Variants in TMEFF2 observed in about 807,000 individuals in gnomAD.
TMEFF2 encodes the protein tomoregulin-2.
A neutral mutation model predicts 53.8 loss-of-function variants in TMEFF2; 28 were observed. The observed-to-expected ratio is 0.52, with a 90% confidence interval of 0.39 to 0.71. TMEFF2 has a LOEUF of 0.71. Among genes scored for constraint, TMEFF2 ranks in the 30% least tolerant of loss-of-function variants. TMEFF2 has a pLI of 0.00. For synonymous variants in TMEFF2, 162 were observed against 166.3 expected (o/e 0.97, Z 0.20); for missense variants, 353 against 455.2 (o/e 0.78, Z 2.04).
chr2:192,035,663 A>G (rs1687272826), intron 5 of TMEFF2, among the ~76,000 whole-genome samples: 2 of 152,054 alleles, frequency 1.3e-5, no homozygotes, highest in Admixed American at 6.5e-5. Context: ...TTCAGTGTCT[A>G]TTCTCATTCC....
chr2:191,960,497 C>T lies in TMEFF2; in HGVS notation c.746-4119G>A, dbSNP rs144473587. 5.7e-3 allele frequency among the ~76,000 whole-genome samples: 865 copies of T among 152,224 alleles called. 2 individuals are homozygous for T. Among genetic ancestry groups the T allele is most frequent in the Non-Finnish European group, 9.7e-3 (663 of 68,008 alleles). On this transcript the variant is annotated intron_variant, in intron 7 of 9. Coordinates refer to ENST00000272771, the MANE Select transcript of TMEFF2 (RefSeq NM_016192.4). ...CATGTCATCTTCATCCCACTCAATT[C>T]TGAAGTTTTTTAAGGTCAAACTTGT...
In TMEFF2 at chr2:192,194,596, G is replaced by T; in HGVS notation, c.-72C>A. ...CAGGATCGCGGGGGCCGGGCAGCGG[G>T]CTACTGAGCATCCCGCGGACGGCGG... On this transcript the variant is annotated 5_prime_UTR_variant, in exon 1 of 10. Coordinates refer to ENST00000272771, the MANE Select transcript of TMEFF2 (RefSeq NM_016192.4). This position sits in a 1 kb window ranked among gnomAD's most constrained non-coding sequence, Gnocchi z 4.2. The T allele has an allele frequency of 6.5e-7, 1 of 1,545,250 alleles. No homozygotes were observed. The highest frequency in any genetic ancestry group is 8.8e-7 in the Non-Finnish European group (1 of 1,135,946).
At chr2:191,986,732 C>T (rs1685984944) in intron 7 of TMEFF2, among the ~76,000 whole-genome samples, 1 of 151,778 alleles carries the variant, frequency 6.6e-6, no homozygotes, top group Non-Finnish European at 1.5e-5. Flanking sequence ...GTGGCGCATG[C>T]CTGTAATCCC....
At chr2:192,019,032 T>C (rs1004719504) in intron 5 of TMEFF2, among the ~76,000 whole-genome samples, 1 of 152,028 alleles carries the variant, frequency 6.6e-6, no homozygotes, top group African/African-American at 2.4e-5. Context: ...AGAAAAATCT[T>C]CTTAGAAATA....
chr2:192,080,379 C>T (rs987503003), intron 4 of TMEFF2, among the ~76,000 whole-genome samples: 1 of 152,188 alleles, frequency 6.6e-6, no homozygotes, highest in Admixed American at 6.5e-5. Context: ...TCCCGCTTTG[C>T]TGAGCACTTC....
intron 5 of TMEFF2, chr2:192,031,757 T>TA (rs1391538966): frequency 6.6e-6 from 1 of 152,192 alleles, no homozygotes; most frequent in Non-Finnish European, 1.5e-5. Context: ...AGAGAGATTT[T>TA]AATCTAATGG....
chr2:191,986,556 CT>C (rs11451195), intron 7 of TMEFF2, among the ~76,000 whole-genome samples: 30 of 142,786 alleles, frequency 2.1e-4, no homozygotes, highest in East Asian at 2.0e-4. Flanking sequence ...GGACAACTAT[CT>C]TTTTTTTTTT....
intron 4 of TMEFF2, among the ~76,000 whole-genome samples, chr2:192,132,285 C>A (rs6735345): frequency 0.99 from 151,193 of 152,178 alleles, 75,117 homozygotes; most frequent in Middle Eastern, 1. Context: ...AGGCATAGTC[C>A]AGGTTAATGC....
intron 4 of TMEFF2, among the ~76,000 whole-genome samples, chr2:192,084,532 A>G (rs1688623488): frequency 6.6e-6 from 1 of 152,240 alleles, no homozygotes. Flanking sequence ...ACTGAAGAGA[A>G]GAAAAAGATA....
intron 7 of TMEFF2, among the ~76,000 whole-genome samples, chr2:191,997,866 T>C (rs116385000): frequency 0.032 from 4,819 of 152,024 alleles, 104 homozygotes; most frequent in Non-Finnish European, 0.05. Context: ...TCTAGCTTTT[T>C]AGAGACTAGC....
At chr2:192,076,436 A>C (rs1055777436) in intron 4 of TMEFF2, among the ~76,000 whole-genome samples, 1 of 152,116 alleles carries the variant, frequency 6.6e-6, no homozygotes, top group Non-Finnish European at 1.5e-5. Flanking sequence ...AATCGAAGTA[A>C]AACTAGATAT....
At chr2:192,082,700 C>T (rs1688580390) in intron 4 of TMEFF2, among the ~76,000 whole-genome samples, 2 of 152,158 alleles carry the variant, frequency 1.3e-5, no homozygotes, top group South Asian at 2.1e-4. Context: ...AGAGAAATGA[C>T]ATTCCTCGAG....
At chr2:192,132,174 A>C (rs559308051) in intron 4 of TMEFF2, among the ~76,000 whole-genome samples, 1 of 150,396 alleles carries the variant, frequency 6.6e-6, no homozygotes, top group African/African-American at 2.5e-5. Flanking sequence ...TCTTTTTATC[A>C]CCTCCCCTCC....
intron 4 of TMEFF2, among the ~76,000 whole-genome samples, chr2:192,113,681 A>G (rs1336224187): frequency 6.6e-6 from 1 of 152,212 alleles, no homozygotes; most frequent in East Asian, 1.9e-4. Flanking sequence ...GTATTTTTCA[A>G]TAAGCAATAA....
chr2:192,026,982 A>C (rs1276240680), intron 5 of TMEFF2, among the ~76,000 whole-genome samples: 1 of 152,264 alleles, frequency 6.6e-6, no homozygotes, highest in African/African-American at 2.4e-5. Flanking sequence ...ATAAATGCCA[A>C]TGGAACAGTT....
chr2:191,988,450 G>C (rs1261848193), intron 7 of TMEFF2, among the ~76,000 whole-genome samples: 1 of 152,124 alleles, frequency 6.6e-6, no homozygotes, highest in Non-Finnish European at 1.5e-5. Flanking sequence ...AAATCCAGTG[G>C]TGCAAGATTT....
chr2:192,186,085 GT>G (rs1481340671), intron 2 of TMEFF2, among the ~76,000 whole-genome samples: 1 of 151,940 alleles, frequency 6.6e-6, no homozygotes, highest in Non-Finnish European at 1.5e-5. Flanking sequence ...CTTTTCCACA[GT>G]TGCATTTTTG....
intron 4 of TMEFF2, among the ~76,000 whole-genome samples, chr2:192,125,974 GT>G (rs1444002602): frequency 1.3e-5 from 2 of 152,056 alleles, no homozygotes; most frequent in Admixed American, 6.6e-5. Flanking sequence ...CACGGCACAC[GT>G]TTACTTATAT....
At chr2:192,179,719 C>T in intron 3 of TMEFF2, 25 bp from the exon 4 acceptor site, 1 of 1,518,382 alleles carries the variant, frequency 6.6e-7, no homozygotes, top group Non-Finnish European at 8.7e-7. Flanking sequence ...GTTATATTTG[C>T]TAGTAAAACA....
Sources: gnomAD v4.1 joint callset for allele counts (sites outside exome capture counted in the v4.1 genomes callset) on GRCh38, gnomAD v4.1.1 for gene constraint, Gnocchi (gnomAD v3.1) non-coding constraint, MANE v1.5 for transcripts, NCBI Gene and HGNC (gene_info 2026-07-23, HGNC 2026-07-21) for gene names.